The following CLIP1 variants were observed in gnomAD, a reference collection of about 807,000 sequenced individuals.
The protein encoded by CLIP1 is CAP-Gly domain containing linker protein 1, also known as CAP-Gly domain-containing linker protein 1.
Under a neutral mutation model 161.6 loss-of-function variants are expected in CLIP1, and 66 were observed. That is an observed-to-expected ratio of 0.41 (90% CI 0.33 to 0.50). CLIP1 has a LOEUF of 0.50. Ranked by LOEUF, CLIP1 falls within the 20% of genes least tolerant of loss-of-function variation. The pLI is 0.27. For missense variants in CLIP1, 1,376 were observed against 1,702.0 expected, an observed-to-expected ratio of 0.81 and a Z score of 3.37; for synonymous variants, 598 against 626.2, an observed-to-expected ratio of 0.96 and a Z score of 0.67.
chr12:122,396,157 A>G (rs6488958), intron 1 of CLIP1, among the ~76,000 whole-genome samples: 119,585 of 151,812 alleles, frequency 0.79, 47,394 homozygotes, highest in East Asian at 0.85. Context: ...AACTGAGTAG[A>G]AAATAAATCA....
Position 122,419,926 on chromosome 12 carries a change from C to CAAAA in CLIP1, c.-107+2591_-107+2594dup, listed in dbSNP as rs5801469. Among the ~76,000 whole-genome samples the CAAAA allele has an allele frequency of 2.5e-4, 20 of 79,774 alleles. 1 individual carries two copies. The highest frequency in any genetic ancestry group is 4.9e-4 in the South Asian group (1 of 2,042). 52.3% of individuals were successfully genotyped at this position (79,774 alleles called of 152,430 possible). On this transcript the variant is annotated intron_variant, in intron 1 of 25. Transcript: ENST00000620786. ...CAGAGCGAGATGCGAGACTCTGTCT[C>CAAAA]AAAAAAAAAAAAAAAAAAAAGCAAG...
At chr12:122,376,232 C>T (rs984916047) in intron 3 of CLIP1, among the ~76,000 whole-genome samples, 3 of 151,972 alleles carry the variant, frequency 2.0e-5, no homozygotes, top group African/African-American at 4.8e-5. Context: ...CCACCCCGCC[C>T]GGCCAATTAT....
chr12:122,329,818 T>C (rs908583634), intron 15 of CLIP1, among the ~76,000 whole-genome samples: 12 of 152,004 alleles, frequency 7.9e-5, no homozygotes, highest in Middle Eastern at 3.4e-3. Context: ...AACAAAAATA[T>C]GTATATAAAA....
Position 122,309,801 on chromosome 12 carries a change from C to G in CLIP1, c.3555G>C (p.Glu1185Asp). 6.2e-7 allele frequency: 1 copy of G among 1,613,370 alleles called. No homozygotes were observed. The highest frequency in any genetic ancestry group is 8.5e-7 in the Non-Finnish European group (1 of 1,180,038). ...TGACTTCGTCCCTGCTTCTCCCCAG[C>G]TCCTCAGCAAGTTTAACGTTCTCTT... is the stretch of plus-strand genomic sequence containing the variant. ...LQEENVKLAE[E>D]LGRSRDEVTS... Residue 1185 changes from glutamate to aspartate, a missense_variant, in exon 20 of 26, where the codon GAG (glutamate) becomes GAC (aspartate). Around this residue, in one of 6 missense-constraint regions of CLIP1, gnomAD observed 948 missense variants for 1,134.8 expected, o/e 0.84. Coordinates refer to ENST00000620786, the MANE Select transcript of CLIP1 (RefSeq NM_001247997.2).
intron 24 of CLIP1, chr12:122,275,742 A>G (rs1020580943): frequency 1.3e-5 from 2 of 152,188 alleles, no homozygotes; most frequent in Non-Finnish European, 2.9e-5. Context: ...TGTTCGGCAG[A>G]TTTGAAAAAG....
chr12:122,400,394 T>C (rs1171348944), intron 1 of CLIP1: 1 of 151,888 alleles, frequency 6.6e-6, no homozygotes, highest in Non-Finnish European at 1.5e-5. Context: ...ACATCACATC[T>C]CCTGGCTGAA....
chr12:122,345,978 G>A (rs1219228749), intron 10 of CLIP1, among the ~76,000 whole-genome samples: 1 of 151,888 alleles, frequency 6.6e-6, no homozygotes, highest in African/African-American at 2.4e-5. Context: ...TAGAGATGGG[G>A]TTTCTCCATG....
At position 122,327,697 on chromosome 12, in the gene CLIP1, G is replaced by A. The variant is rs182297578; in HGVS notation, c.3249+250C>T. Among the ~76,000 whole-genome samples, 8 of 152,032 alleles carry A rather than the reference G, an allele frequency of 5.3e-5. No homozygotes were observed. The East Asian group carries it at 1.4e-3, about 26-fold the overall frequency. On this transcript the variant is annotated intron_variant, in intron 17 of 25. Transcript: ENST00000620786. ...ACCTCTGGGAAACAAGCAGCACAGG[G>A]GTGATGGCTACACAGTCCATTCCAG...
intron 1 of CLIP1, among the ~76,000 whole-genome samples, chr12:122,416,716 C>T (rs1463603960): frequency 6.6e-6 from 1 of 151,626 alleles, no homozygotes; most frequent in African/African-American, 2.4e-5. Context: ...GCCTGACAAA[C>T]GCAGTGAAAC....
intron 5 of CLIP1, chr12:122,356,157 T>C (rs1431278887): frequency 6.6e-6 from 1 of 152,240 alleles, no homozygotes; most frequent in Non-Finnish European, 1.5e-5. Context: ...CATTTGACCT[T>C]GACCTTCCAA....
chr12:122,336,288 G>A (rs1052634442), intron 12 of CLIP1, among the ~76,000 whole-genome samples: 2 of 152,038 alleles, frequency 1.3e-5, no homozygotes, highest in African/African-American at 4.8e-5. Flanking sequence ...TCAATATGAA[G>A]GGGCCTCATT....
At position 122,311,764 on chromosome 12, in the gene CLIP1, T is replaced by C. The variant is rs960159324; in HGVS notation, c.3474-1882A>G. On this transcript the variant is annotated intron_variant, in intron 19 of 25. Transcript: ENST00000620786. The surrounding 1 kb of genome is among the most constrained non-coding windows in gnomAD (Gnocchi z 4.3). ...AATTTACAAAATGCTTCCATGTCCATTTTCTCATTTAATCCTCAAAGCCCA... is the reference window on the plus strand; with the variant it reads ...AATTTACAAAATGCTTCCATGTCCACTTTCTCATTTAATCCTCAAAGCCCA... Among the ~76,000 whole-genome samples, 7 of 152,182 alleles carry C rather than the reference T, an allele frequency of 4.6e-5. No individual in the cohort carries two copies. Among genetic ancestry groups the C allele is most frequent in the Non-Finnish European group, 8.8e-5 (6 of 68,044 alleles).
At chr12:122,377,290 G>A (rs1954786228) in intron 3 of CLIP1, 99 bp downstream of exon 3, 2 of 1,120,954 alleles carry the variant, frequency 1.8e-6, no homozygotes, top group Non-Finnish European at 1.3e-6. Flanking sequence ...TTATAGGTGT[G>A]AGCCACCGCG....
chr12:122,335,719 A>G (rs1273202542), intron 12 of CLIP1, among the ~76,000 whole-genome samples: 1 of 151,840 alleles, frequency 6.6e-6, no homozygotes, highest in East Asian at 1.9e-4. Context: ...AGGCAGGAGA[A>G]TTTCTTGAAC....
chr12:122,381,987 C>T (rs1270430657), intron 1 of CLIP1, among the ~76,000 whole-genome samples: 2 of 152,154 alleles, frequency 1.3e-5, no homozygotes, highest in Non-Finnish European at 2.9e-5. Context: ...CACTTTGGGA[C>T]GCCAAGGTGG....
At chr12:122,405,543 C>T (rs191933310) in intron 1 of CLIP1, among the ~76,000 whole-genome samples, 6 of 152,248 alleles carry the variant, frequency 3.9e-5, no homozygotes, top group Admixed American at 2.0e-4. Flanking sequence ...AATCCCAGCA[C>T]TTTGGGAGGC....
intron 8 of CLIP1, among the ~76,000 whole-genome samples, 170 bp from the exon 9 acceptor site, chr12:122,351,313 T>C (rs1020050562): frequency 2.6e-5 from 4 of 152,182 alleles, no homozygotes; most frequent in African/African-American, 9.7e-5. Context: ...TGGACCCTCC[T>C]GAAGACACCA....
chr12:122,331,020 TA>T (rs149900727), intron 15 of CLIP1, among the ~76,000 whole-genome samples: 3 of 151,116 alleles, frequency 2.0e-5, no homozygotes, highest in African/African-American at 4.9e-5. Context: ...ATTATTTATT[TA>T]TTTTTTTTTT....
At chr12:122,302,738 A>G (rs1450331960) in intron 20 of CLIP1, among the ~76,000 whole-genome samples, 1 of 152,128 alleles carries the variant, frequency 6.6e-6, no homozygotes, top group African/African-American at 2.4e-5. Context: ...CTGGGATTAC[A>G]GGCAGGCACC....
Sources: allele counts gnomAD v4.1 joint callset (sites outside exome capture counted in the v4.1 genomes callset), GRCh38; gene constraint gnomAD v4.1.1; regional missense constraint gnomAD v4.1.1; non-coding constraint Gnocchi (gnomAD v3.1); transcripts MANE v1.5; gene names NCBI Gene and HGNC (gene_info 2026-07-23, HGNC 2026-07-21).